The following WNK3 variants were observed in gnomAD, a reference collection of about 807,000 sequenced individuals.
WNK3 encodes the protein WNK lysine deficient protein kinase 3.
A neutral mutation model predicts 116.7 loss-of-function variants in WNK3; 18 were observed. The observed-to-expected ratio is 0.15, with a 90% CI of 0.11 to 0.23. The LOEUF (loss-of-function observed/expected upper bound fraction) is 0.23. WNK3 is among the 10% of genes least tolerant of loss of function. The pLI, the probability that WNK3 is intolerant of heterozygous loss-of-function variation, is 1.00. For missense variants in WNK3, 993 were observed against 1,323.8 expected, an observed-to-expected ratio of 0.75 and a Z score of 3.88; for synonymous variants, 404 against 469.4, an observed-to-expected ratio of 0.86 and a Z score of 1.80.
intron 2 of WNK3, among the ~76,000 whole-genome samples, chrX:54,327,132 T>A (rs1178156856): frequency 2.7e-5 from 3 of 112,328 alleles, no homozygotes; most frequent in Admixed American, 1.9e-4. Flanking sequence ...ATCCTAAATC[T>A]GAGAGTTTGT....
chrX:54,227,833 G>A (rs1455970316), intron 22 of WNK3, among the ~76,000 whole-genome samples: 2 of 112,586 alleles, frequency 1.8e-5, no homozygotes, highest in East Asian at 5.5e-4. Context: ...AAGACCACAT[G>A]ATGTATGATT....
chrX:54,221,833 T>TA (rs1236235763), intron 22 of WNK3, among the ~76,000 whole-genome samples: 1 of 106,775 alleles, frequency 9.4e-6, no homozygotes, highest in Non-Finnish European at 1.9e-5. Flanking sequence ...GACCCCATCT[T>TA]AAAAAAAAAC....
intron 4 of WNK3, among the ~76,000 whole-genome samples, chrX:54,308,400 C>G (rs1408496156): frequency 9.1e-6 from 1 of 110,116 alleles, no homozygotes; most frequent in African/African-American, 3.3e-5. Context: ...CCATGTTGGC[C>G]AGGCTGGTCT....
At chrX:54,356,435 C>T (rs2069594390) in intron 1 of WNK3, among the ~76,000 whole-genome samples, 2 of 111,425 alleles carry the variant, frequency 1.8e-5, no homozygotes, top group Middle Eastern at 4.6e-3. Context: ...CTCAGCCTCC[C>T]AAGTAGCTGG....
At chrX:54,233,762 C>T (rs1216451509) in intron 20 of WNK3, among the ~76,000 whole-genome samples, 1 of 101,937 alleles carries the variant, frequency 9.8e-6, no homozygotes, top group Non-Finnish European at 2.0e-5. Context: ...ATCGCTTGAG[C>T]CCAGGAGTTC....
intron 1 of WNK3, among the ~76,000 whole-genome samples, chrX:54,334,292 T>C (rs1188009538): frequency 8.9e-6 from 1 of 112,047 alleles, no homozygotes; most frequent in Non-Finnish European, 1.9e-5. Context: ...TTCACAGTGT[T>C]GTGCAATCAT....
Position 54,298,383 on chromosome X carries a change from C to T in WNK3, c.1190G>A (p.Arg397Lys), listed in dbSNP as rs2068721541. ...AAAAAATGCATGGTTTAATAGGTCC[C>T]TGATAGACAACCTAATAAACAAAAC... The change falls in exon 7 of 24, where the codon AGG (arginine) becomes AAG (lysine). Residue 397 changes from arginine (R) to lysine (K), a missense_variant. By Grantham distance (26) the Arg-to-Lys change is conservative (BLOSUM62 2). Around this residue, in one of 4 missense-constraint regions of WNK3, gnomAD observed 37 missense variants for 86.9 expected, o/e 0.43. Coordinates refer to ENST00000354646, the Ensembl canonical transcript of WNK3. 1 of 1,197,686 alleles carries T rather than the reference C, an allele frequency of 8.3e-7. No individual in the cohort carries two copies. The highest frequency in any genetic ancestry group is 3.0e-5 in the East Asian group (1 of 33,781).
exon 24 of WNK3, chrX:54,195,773 C>CT (rs1386588925): frequency 9.0e-6 from 1 of 111,637 alleles, no homozygotes; most frequent in Non-Finnish European, 1.9e-5. Context: ...CATCTTCAAA[C>CT]TTTAGAAGAC....
intron 22 of WNK3, among the ~76,000 whole-genome samples, chrX:54,213,711 T>A (rs950154097): frequency 3.7e-5 from 4 of 109,556 alleles, no homozygotes; most frequent in African/African-American, 1.3e-4. Context: ...AAATACTGGA[T>A]CTTTGTAAAG....
exon 24 of WNK3, chrX:54,197,313 G>C (rs1456491873): frequency 8.9e-6 from 1 of 112,118 alleles, no homozygotes; most frequent in Non-Finnish European, 1.9e-5. Flanking sequence ...TACTGAAATC[G>C]TAAAACAGCA....
Position 54,289,894 on chromosome X carries a change from C to T in WNK3, c.2037+2994G>A, listed in dbSNP as rs187816549. Reference sequence around the variant, plus strand: ...TTTGGTTAATGCCTGATTCCCATTTCTAGGATCACGCTCAAGTTGAAGACC... The same window carrying T: ...TTTGGTTAATGCCTGATTCCCATTTTTAGGATCACGCTCAAGTTGAAGACC... On this transcript the variant is annotated intron_variant, in intron 10 of 23. Transcript: ENST00000354646. 2.8e-3 allele frequency among the ~76,000 whole-genome samples: 317 copies of T among 111,805 alleles called. 1 individual carries two copies. The highest frequency in any genetic ancestry group is 4.6e-3 in the Middle Eastern group (1 of 218).
chrX:54,285,399 C>T (rs1271714574), intron 10 of WNK3, among the ~76,000 whole-genome samples: 1 of 111,962 alleles, frequency 8.9e-6, no homozygotes, highest in Non-Finnish European at 1.9e-5. Flanking sequence ...AGAGGAAGAC[C>T]TTGTCTCAAA....
At chrX:54,248,138 T>G (rs2146924393) in intron 17 of WNK3, among the ~76,000 whole-genome samples, 1 of 109,269 alleles carries the variant, frequency 9.2e-6, no homozygotes, top group South Asian at 4.1e-4. Flanking sequence ...CTCAGGAGGC[T>G]GAGGCAGGAG....
chrX:54,341,278 T>G (rs1471701710), intron 1 of WNK3, among the ~76,000 whole-genome samples: 1 of 109,968 alleles, frequency 9.1e-6, no homozygotes, highest in Non-Finnish European at 1.9e-5. Context: ...GTACCTAGAA[T>G]CCCAGCTACT....
intron 1 of WNK3, among the ~76,000 whole-genome samples, chrX:54,352,948 A>G (rs1603403287): frequency 8.9e-6 from 1 of 112,191 alleles, no homozygotes; most frequent in African/African-American, 3.2e-5. Context: ...TCTCAAAAAC[A>G]TGCTGAGTGA....
rs782107262 is a variant in WNK3, at chrX:54,222,915, A to AATATAT, written c.4870+5793_4870+5798dup. ...ATAGTATAATAATAATAATAATAATAATATATATATATATATATATATATA... is the reference window on the plus strand; with the variant it reads ...ATAGTATAATAATAATAATAATAATAATATATATATATATATATATATATATATATA... On this transcript the variant is annotated intron_variant, in intron 22 of 23. Coordinates refer to ENST00000354646, the Ensembl canonical transcript of WNK3. Among the ~76,000 whole-genome samples the AATATAT allele has an allele frequency of 3.4e-3, 274 of 81,000 alleles. 4 individuals are homozygous for AATATAT. In the Admixed American group the frequency reaches 0.034, roughly 10 times the overall value. 70.3% of individuals were successfully genotyped at this position (81,000 alleles called of 115,157 possible). A position where few individuals can be genotyped will look rare whatever the true frequency, so the allele number is the denominator to read the frequency against.
intron 5 of WNK3, among the ~76,000 whole-genome samples, chrX:54,307,503 A>G (rs1018437028): frequency 1.1e-4 from 12 of 111,545 alleles, no homozygotes; most frequent in Non-Finnish European, 7.5e-5. Flanking sequence ...ATTCCTTACA[A>G]TTTCTAACAC....
intron 10 of WNK3, among the ~76,000 whole-genome samples, chrX:54,270,492 C>T (rs1557159008): frequency 1.9e-5 from 2 of 106,576 alleles, no homozygotes; most frequent in African/African-American, 3.4e-5. Flanking sequence ...GCAACTTCCA[C>T]CACTGGGTTC....
At chrX:54,276,391 T>C (rs2068448265) in intron 10 of WNK3, among the ~76,000 whole-genome samples, 1 of 110,965 alleles carries the variant, frequency 9.0e-6, no homozygotes, top group African/African-American at 3.3e-5. Context: ...GAGAAATACA[T>C]ATATCTACAA....
Sources: gnomAD v4.1 joint callset for allele counts (sites outside exome capture counted in the v4.1 genomes callset) on GRCh38, gnomAD v4.1.1 for gene constraint, gnomAD v4.1.1 regional missense constraint, MANE v1.5 for transcripts, NCBI Gene and HGNC (gene_info 2026-07-23, HGNC 2026-07-21) for gene names.